VWA3B: variants seen among roughly 807,000 people sequenced by gnomAD.
VWA3B encodes von Willebrand factor A domain containing 3B, also known as von Willebrand factor A domain-containing protein 3B.
Under a neutral mutation model 158.3 loss-of-function variants are expected in VWA3B, and 138 were observed. The ratio of observed to expected loss-of-function variants is 0.87; its 90% CI spans 0.76 to 1.00. The LOEUF is 1.00. Ranked by LOEUF, VWA3B falls within the 50% of genes least tolerant of loss-of-function variation. The pLI is 0.00. For missense variants in VWA3B, 1,555 were observed against 1,565.1 expected (o/e 0.99, Z 0.11); for synonymous variants, 596 against 587.3 (o/e 1.01, Z -0.21).
At chr2:98,223,537 G>A (rs1684678106) in intron 14 of VWA3B, among the ~76,000 whole-genome samples, 1 of 152,092 alleles carries the variant, frequency 6.6e-6, no homozygotes, top group Non-Finnish European at 1.5e-5. Flanking sequence ...TCCAGGCCAA[G>A]ACATGTCATA....
Position 98,126,324 on chromosome 2 carries a change from G to A in VWA3B, c.703-1915G>A, listed in dbSNP as rs78466006. On this transcript the variant is annotated intron_variant, in intron 5 of 27. Transcript: ENST00000477737. ...GCATTGGACGTGTGTGGTGTCAGGA[G>A]TGGCTGACAGACCACCTCGAGATGT... is the stretch of plus-strand genomic sequence containing the variant. Among the ~76,000 whole-genome samples, 779 of 152,298 alleles carry A rather than the reference G, an allele frequency of 5.1e-3. 16 individuals are homozygous for A. The East Asian group carries it at 0.088, about 17-fold the overall frequency.
At chr2:98,202,936 G>A (rs574218145) in intron 12 of VWA3B, among the ~76,000 whole-genome samples, 7 of 152,000 alleles carry the variant, frequency 4.6e-5, no homozygotes, top group African/African-American at 9.7e-5. Context: ...AGGTTCAAGC[G>A]ATTCTCCTGC....
chr2:98,213,744 G>A (rs1002989993), intron 13 of VWA3B, among the ~76,000 whole-genome samples: 7 of 152,168 alleles, frequency 4.6e-5, no homozygotes, highest in African/African-American at 1.7e-4. Context: ...CTAGAAATAT[G>A]GAGCTGGAGT....
chr2:98,317,723 T>C (rs886207121), downstream of VWA3B, among the ~76,000 whole-genome samples: 2 of 152,206 alleles, frequency 1.3e-5, no homozygotes, highest in African/African-American at 4.8e-5. Context: ...GGTATTTAAT[T>C]GATGTCTCAT....
At chr2:98,229,938 T>C in intron 15 of VWA3B, 112 bp from the exon 16 acceptor site, 1 of 1,231,856 alleles carries the variant, frequency 8.1e-7, no homozygotes, top group Non-Finnish European at 1.1e-6. Context: ...AAGGCTTACT[T>C]TTTAAAGTTT....
Position 98,236,421 on chromosome 2 carries a change from G to A in VWA3B, c.2460G>A (p.Leu820=). 4.3e-6 allele frequency: 7 copies of A among 1,614,178 alleles called. No individual in the cohort carries two copies. Among genetic ancestry groups the A allele is most frequent in the Non-Finnish European group, 5.9e-6 (7 of 1,180,042 alleles). The change falls in exon 18 of 28, where the codon CTG becomes CTA. Residue 820 remains leucine (L), a synonymous_variant. Coordinates refer to ENST00000477737, the MANE Select transcript of VWA3B (RefSeq NM_144992.5). Reference sequence around the variant, plus strand: ...GCATCTTGCTGGCTGAGGAGTGGCTGGATGACAAATCGTCAGAAAAGGTGA... The same window carrying A: ...GCATCTTGCTGGCTGAGGAGTGGCTAGATGACAAATCGTCAGAAAAGGTGA... ...EMSILLAEEW[L]DDKSSEKVTR...
chr2:98,238,887 A>C (rs963125365), intron 19 of VWA3B, among the ~76,000 whole-genome samples: 3 of 152,172 alleles, frequency 2.0e-5, no homozygotes, highest in African/African-American at 7.2e-5. Flanking sequence ...CTGGAGTGGA[A>C]ATTTTAGGGA....
chr2:98,323,353 A>G, the VWA3B span, among the ~76,000 whole-genome samples: 1 of 152,202 alleles, frequency 6.6e-6, no homozygotes, highest in Non-Finnish European at 1.5e-5. Context: ...ATTTGAATAT[A>G]GATTGATAAA....
chr2:98,222,221 A>G (rs958787722), intron 14 of VWA3B, among the ~76,000 whole-genome samples: 1 of 152,180 alleles, frequency 6.6e-6, no homozygotes, highest in African/African-American at 2.4e-5. Context: ...AAACTGTCCC[A>G]CAAAAGAAAA....
chr2:98,263,352 C>T (rs533689729), intron 21 of VWA3B, among the ~76,000 whole-genome samples: 56 of 151,992 alleles, frequency 3.7e-4, no homozygotes, highest in African/African-American at 1.3e-3. Context: ...AGAGGGAAAG[C>T]TTCCAATCTT....
chr2:98,265,944 G>A (rs1376031801), intron 21 of VWA3B, among the ~76,000 whole-genome samples: 1 of 127,782 alleles, frequency 7.8e-6, no homozygotes, highest in African/African-American at 3.0e-5. Flanking sequence ...CTGGATATTA[G>A]CCCTTTGTCA....
At chr2:98,274,217 G>A (rs1344407842) in intron 22 of VWA3B, among the ~76,000 whole-genome samples, 1 of 152,166 alleles carries the variant, frequency 6.6e-6, no homozygotes, top group African/African-American at 2.4e-5. Flanking sequence ...TAATGGAGGA[G>A]ACATTGCACC....
intron 12 of VWA3B, among the ~76,000 whole-genome samples, chr2:98,202,979 T>C (rs549882932): frequency 9.2e-5 from 14 of 152,240 alleles, no homozygotes; most frequent in East Asian, 5.8e-4. Context: ...CCTACAGGCA[T>C]GTACCACCAT....
At chr2:98,114,246 C>CA (rs988372298) in intron 2 of VWA3B, among the ~76,000 whole-genome samples, 6 of 152,168 alleles carry the variant, frequency 3.9e-5, no homozygotes, top group African/African-American at 1.4e-4. Context: ...CTTCAAGCCT[C>CA]AAAAAACAGC....
chr2:98,248,838 T>C (rs1177812176), intron 19 of VWA3B, among the ~76,000 whole-genome samples: 2 of 21,812 alleles, frequency 9.2e-5, no homozygotes, highest in African/African-American at 1.1e-3. Context: ...TTTCTTTCTT[T>C]CTTTCTTTCT....
chr2:98,266,339 A>G (rs1038023655), intron 21 of VWA3B, among the ~76,000 whole-genome samples: 4 of 150,932 alleles, frequency 2.7e-5, no homozygotes, highest in African/African-American at 9.7e-5. Flanking sequence ...CAGGTTTGTC[A>G]AAGATCAGAT....
At chr2:98,226,180 G>C (rs1684903168) in intron 14 of VWA3B, among the ~76,000 whole-genome samples, 2 of 152,152 alleles carry the variant, frequency 1.3e-5, no homozygotes, top group Non-Finnish European at 2.9e-5. Context: ...TAGTATTAAG[G>C]CTTACTATGT....
chr2:98,140,180 G>T (rs527336038), intron 7 of VWA3B, among the ~76,000 whole-genome samples: 47 of 152,224 alleles, frequency 3.1e-4, no homozygotes, highest in African/African-American at 1.1e-3. Flanking sequence ...GCTGTAACAC[G>T]CACCGCGAAG....
intron 19 of VWA3B, among the ~76,000 whole-genome samples, chr2:98,240,112 G>A (rs1574170331): frequency 6.6e-6 from 1 of 152,068 alleles, no homozygotes; most frequent in African/African-American, 2.4e-5. Context: ...ATCCATGAAG[G>A]AAACACGTTG....
Sources: gnomAD v4.1 joint callset for allele counts (sites outside exome capture counted in the v4.1 genomes callset) on GRCh38, gnomAD v4.1.1 for gene constraint, MANE v1.5 for transcripts, NCBI Gene and HGNC (gene_info 2026-07-23, HGNC 2026-07-21) for gene names.